Variants in GPC6 observed in about 807,000 individuals in gnomAD.
GPC6 encodes the protein glypican 6, also known as glypican-6.
A neutral mutation model predicts 55.2 loss-of-function variants in GPC6; 14 were observed. That is an observed-to-expected ratio of 0.25 (90% CI 0.17 to 0.40). The LOEUF (loss-of-function observed/expected upper bound fraction) is 0.40. GPC6 is among the 10% of genes least tolerant of loss of function. The pLI is 1.00. For synonymous variants in GPC6, 278 were observed against 259.6 expected, an observed-to-expected ratio of 1.07 and a Z score of -0.68; for missense variants, 641 against 708.5, an observed-to-expected ratio of 0.90 and a Z score of 1.08.
intron 4 of GPC6, among the ~76,000 whole-genome samples, chr13:94,110,054 C>A (rs1186365857): frequency 7.0e-6 from 1 of 143,116 alleles, no homozygotes; most frequent in Non-Finnish European, 1.5e-5. Flanking sequence ...TGTTTCATCA[C>A]CCTGGACTAA....
At chr13:93,902,495 T>C (rs1876415433) in intron 3 of GPC6, among the ~76,000 whole-genome samples, 1 of 152,212 alleles carries the variant, frequency 6.6e-6, no homozygotes, top group South Asian at 2.1e-4. Flanking sequence ...ATCTTGACTA[T>C]TGTGAATAGT....
chr13:93,489,763 C>G (rs1165995958), intron 1 of GPC6, among the ~76,000 whole-genome samples: 1 of 151,222 alleles, frequency 6.6e-6, no homozygotes, highest in Non-Finnish European at 1.5e-5. Flanking sequence ...CATGATTTGG[C>G]TCTCTGTCTG....
intron 4 of GPC6, among the ~76,000 whole-genome samples, chr13:94,270,643 A>G (rs1219656417): frequency 1.3e-5 from 2 of 152,234 alleles, no homozygotes; most frequent in African/African-American, 4.8e-5. Context: ...TACAAAGAAA[A>G]CATTTGAAGT....
At chr13:93,515,322 C>A (rs1426759761) in intron 1 of GPC6, among the ~76,000 whole-genome samples, 1 of 152,148 alleles carries the variant, frequency 6.6e-6, no homozygotes, top group African/African-American at 2.4e-5. Context: ...CTTGTTACAG[C>A]AGCCTGAACT....
intron 4 of GPC6, among the ~76,000 whole-genome samples, chr13:94,067,484 C>G (rs1046801859): frequency 1.3e-5 from 2 of 151,620 alleles, no homozygotes; most frequent in African/African-American, 2.4e-5. Context: ...GTCTGTCTCT[C>G]TCTCTCTCTC....
intron 2 of GPC6, among the ~76,000 whole-genome samples, chr13:93,552,360 G>A (rs1329903227): frequency 4.6e-5 from 7 of 152,118 alleles, no homozygotes; most frequent in Non-Finnish European, 8.8e-5. Flanking sequence ...TGCTGAAAGA[G>A]AAGATCCTGG....
chr13:93,653,688 A>T (rs1218965968), intron 2 of GPC6, among the ~76,000 whole-genome samples: 3 of 151,924 alleles, frequency 2.0e-5, no homozygotes, highest in Non-Finnish European at 4.4e-5. Flanking sequence ...GAGATTAAGG[A>T]AGTTAAAGTT....
At chr13:93,750,950 G>C (rs1339803726) in intron 2 of GPC6, among the ~76,000 whole-genome samples, 1 of 152,100 alleles carries the variant, frequency 6.6e-6, no homozygotes, top group African/African-American at 2.4e-5. Context: ...AGAGGTCTCT[G>C]TCTACATTCA....
At chr13:94,302,141 T>C (rs563783243) in intron 5 of GPC6, among the ~76,000 whole-genome samples, 1 of 152,364 alleles carries the variant, frequency 6.6e-6, no homozygotes, top group South Asian at 2.1e-4. Flanking sequence ...GATTGCTTGC[T>C]TCTTAGTCTG....
rs145013730 is a variant in GPC6 at position 93,783,145 on chromosome 13, T to C, written c.320-47009T>C. Among the ~76,000 whole-genome samples, 788 of 152,308 alleles carry C rather than the reference T, an allele frequency of 5.2e-3. 7 individuals carry two copies. Among genetic ancestry groups the C allele is most frequent in the African/African-American group, 0.018 (754 of 41,572 alleles). On this transcript the variant is annotated intron_variant, in intron 2 of 8. Coordinates refer to ENST00000377047, the MANE Select transcript of GPC6 (RefSeq NM_005708.5). ...GCTTCATCCATGTCTGCAAAGGACA[T>C]GATCTTGTTCCTTTTTATGGCTGCA...
At chr13:93,433,671 T>A (rs143082794) in intron 1 of GPC6, among the ~76,000 whole-genome samples, 70 of 152,036 alleles carry the variant, frequency 4.6e-4, no homozygotes, top group African/African-American at 1.6e-3. Context: ...CTTGCTAACA[T>A]TGAATAAAGT....
At chr13:94,324,985 G>A (rs1877038769) in intron 6 of GPC6, among the ~76,000 whole-genome samples, 1 of 152,148 alleles carries the variant, frequency 6.6e-6, no homozygotes, top group Non-Finnish European at 1.5e-5. Flanking sequence ...GGGGCCTAAC[G>A]TTAGAATCCT....
chr13:93,358,117 C>A (rs147862108), intron 1 of GPC6, among the ~76,000 whole-genome samples: 2 of 152,220 alleles, frequency 1.3e-5, no homozygotes, highest in South Asian at 4.1e-4. Context: ...GAGGCCAAGG[C>A]GGGAAGATCA....
chr13:93,983,980 GA>G (rs1566634205), intron 3 of GPC6, among the ~76,000 whole-genome samples: 1 of 151,842 alleles, frequency 6.6e-6, no homozygotes, highest in African/African-American at 2.4e-5. Flanking sequence ...AAATTGAAAA[GA>G]AAAAAATGGT....
At chr13:94,324,459 A>G (rs1399354126) in intron 6 of GPC6, among the ~76,000 whole-genome samples, 1 of 152,216 alleles carries the variant, frequency 6.6e-6, no homozygotes, top group Non-Finnish European at 1.5e-5. Flanking sequence ...AGGTGAACAC[A>G]GGGACAAGTT....
intron 2 of GPC6, among the ~76,000 whole-genome samples, chr13:93,632,096 G>T (rs186320934): frequency 6.6e-6 from 1 of 152,276 alleles, no homozygotes; most frequent in Non-Finnish European, 1.5e-5. Context: ...CCACCTTCAT[G>T]AAAAGTTGAG....
chr13:93,295,793 A>G (rs1334510947), intron 1 of GPC6, among the ~76,000 whole-genome samples: 18 of 151,990 alleles, frequency 1.2e-4, no homozygotes, highest in Admixed American at 1.1e-3. Flanking sequence ...ACTGCAACCT[A>G]TGCCTCCTGG....
intron 4 of GPC6, among the ~76,000 whole-genome samples, chr13:94,116,155 G>A (rs1233898084): frequency 2.6e-5 from 4 of 151,926 alleles, no homozygotes; most frequent in Non-Finnish European, 5.9e-5. Context: ...TGTTTACTGG[G>A]GAGAGAAGAC....
intron 4 of GPC6, among the ~76,000 whole-genome samples, chr13:94,280,060 T>A (rs9584207): frequency 0.029 from 4,478 of 152,242 alleles, 225 homozygotes; most frequent in African/African-American, 0.099. Flanking sequence ...CTCCCACTAT[T>A]ATTGTGTGAG....
Sources: gnomAD v4.1 joint callset for allele counts (sites outside exome capture counted in the v4.1 genomes callset) on GRCh38, gnomAD v4.1.1 for gene constraint, MANE v1.5 for transcripts, NCBI Gene and HGNC (gene_info 2026-07-23, HGNC 2026-07-21) for gene names.